KALRN: variants seen among roughly 807,000 people sequenced by gnomAD.
KALRN encodes kalirin.
Under a neutral mutation model 353.7 loss-of-function variants are expected in KALRN, and 70 were observed. The observed-to-expected ratio is 0.20, with a 90% CI of 0.16 to 0.24. KALRN has a LOEUF of 0.24. KALRN is among the 10% of genes least tolerant of loss of function. The pLI is 1.00. For synonymous variants in KALRN, 1,391 were observed against 1,434.8 expected, an observed-to-expected ratio of 0.97 and a Z score of 0.69; for missense variants, 2,791 against 3,756.7, an observed-to-expected ratio of 0.74 and a Z score of 6.72.
At chr3:124,446,707 G>A in intron 20 of KALRN, 56 bp from the exon 21 acceptor site, 2 of 1,609,446 alleles carry the variant, frequency 1.2e-6, no homozygotes, top group Middle Eastern at 3.3e-4. Flanking sequence ...AGTATGGCAT[G>A]TTTTCCTACT....
intron 34 of KALRN, among the ~76,000 whole-genome samples, chr3:124,587,680 C>T (rs1354842651): frequency 1.4e-5 from 2 of 142,914 alleles, no homozygotes; most frequent in Non-Finnish European, 3.1e-5. Flanking sequence ...GTATTTTTCC[C>T]TCCACCCCCA....
intron 5 of KALRN, among the ~76,000 whole-genome samples, chr3:124,279,276 T>C (rs1033605618): frequency 6.6e-6 from 1 of 152,232 alleles, no homozygotes; most frequent in Admixed American, 6.5e-5. Context: ...CTGTAAAATA[T>C]AGATTTTAAT....
intron 1 of KALRN, among the ~76,000 whole-genome samples, chr3:124,104,681 A>G (rs115402561): frequency 1.3e-3 from 194 of 152,304 alleles, no homozygotes; most frequent in African/African-American, 4.6e-3. Context: ...CATATGGTTT[A>G]AGGAGAGACT....
chr3:124,341,891 AG>A (rs1175307433), intron 9 of KALRN, among the ~76,000 whole-genome samples: 1 of 152,158 alleles, frequency 6.6e-6, no homozygotes, highest in Non-Finnish European at 1.5e-5. Context: ...GATAAGTAGG[AG>A]GTAGCCTGGA....
intron 8 of KALRN, among the ~76,000 whole-genome samples, chr3:124,333,946 G>A (rs1355489880): frequency 6.6e-6 from 1 of 152,216 alleles, no homozygotes; most frequent in Admixed American, 6.5e-5. Context: ...GCCAGGCACT[G>A]TTTTGGGCAT....
chr3:124,612,505 TTTTGTA>T (rs1443970475), intron 34 of KALRN, among the ~76,000 whole-genome samples: 1 of 150,538 alleles, frequency 6.6e-6, no homozygotes, highest in Non-Finnish European at 1.5e-5. Context: ...GCCCAGCAAT[TTTTGTA>T]TTTTTAATAG....
At chr3:124,035,894 T>G (rs1206146992) in intron 1 of KALRN, among the ~76,000 whole-genome samples, 1 of 152,162 alleles carries the variant, frequency 6.6e-6, no homozygotes, top group East Asian at 1.9e-4. Context: ...CATTGGTGCA[T>G]GAGGCTGGAA....
At chr3:124,425,632 A>G (rs1037638857) in intron 15 of KALRN, among the ~76,000 whole-genome samples, 10 of 152,220 alleles carry the variant, frequency 6.6e-5, no homozygotes, top group African/African-American at 2.4e-4. Context: ...ACATAACGGG[A>G]AAATCATTCC....
At chr3:124,222,597 T>G (rs992877046) in intron 1 of KALRN, among the ~76,000 whole-genome samples, 10 of 152,132 alleles carry the variant, frequency 6.6e-5, no homozygotes, top group African/African-American at 2.4e-4. Context: ...CTGGGTTTTT[T>G]TGTGTGTGTG....
At chr3:124,268,643 A>G (rs2148920800) in intron 4 of KALRN, 100 bp from the exon 5 acceptor site, 2 of 1,269,626 alleles carry the variant, frequency 1.6e-6, no homozygotes, top group Non-Finnish European at 2.2e-6. Context: ...GGCTGTGGTC[A>G]TTATTATGTG....
intron 23 of KALRN, among the ~76,000 whole-genome samples, chr3:124,458,774 A>T (rs1438881307): frequency 6.6e-6 from 1 of 152,152 alleles, no homozygotes; most frequent in Non-Finnish European, 1.5e-5. Flanking sequence ...GCTAAAAAAA[A>T]AATACAAAAC....
Position 124,699,970 on chromosome 3 carries a change from A to G in KALRN, c.7933A>G (p.Ser2645Gly). Residue 2645 changes from serine (S) to glycine (G), a missense_variant, in exon 56 of 60, where the codon AGT (serine) becomes GGT (glycine). Transcript: ENST00000682506. Reference protein sequence around the residue: ...GCPYQFRVSASNPWGISLPSE... With the variant: ...GCPYQFRVSAGNPWGISLPSE... ...TCCTTATCAGTTCAGAGTCAGTGCCAGTAACCCCTGGGGAATCAGCCTTCC... is the reference window on the plus strand; with the variant it reads ...TCCTTATCAGTTCAGAGTCAGTGCCGGTAACCCCTGGGGAATCAGCCTTCC... The G allele has an allele frequency of 6.2e-7, 1 of 1,614,176 alleles. No individual in the cohort carries two copies. The highest frequency in any genetic ancestry group is 8.5e-7 in the Non-Finnish European group (1 of 1,180,028).
intron 16 of KALRN, among the ~76,000 whole-genome samples, chr3:124,432,465 G>T (rs2093317174): frequency 6.6e-6 from 1 of 152,268 alleles, no homozygotes; most frequent in Non-Finnish European, 1.5e-5. Flanking sequence ...ACAGTCATAA[G>T]CAGCAACGAA....
chr3:124,642,806 G>GTTTTTTTTTT (rs71145471), intron 37 of KALRN, among the ~76,000 whole-genome samples: 3 of 96,840 alleles, frequency 3.1e-5, no homozygotes, highest in East Asian at 4.7e-4. Flanking sequence ...CCCAAGCCTC[G>GTTTTTTTTTT]TTTTTTTTTT....
At position 124,632,466 on chromosome 3, in the gene KALRN, C is replaced by T. The variant is rs757521379; in HGVS notation, c.5229C>T (p.Ser1743=). The part of the protein sequence containing the change: ...SSSENGGKSE[S]VANLQAQPSL... ...GCGAGAATGGAGGCAAGTCCGAGTC[C>T]GTGGCCAACCTGCAGGCCCAGCCCT... The change falls in exon 35 of 60, where the codon TCC becomes TCT. Residue 1743 remains serine, a synonymous_variant. Transcript: ENST00000682506. The T allele has an allele frequency of 2.7e-5, 43 of 1,613,876 alleles. No homozygotes were observed. Among genetic ancestry groups the T allele is most frequent in the Middle Eastern group, 3.3e-4 (2 of 6,082 alleles).
At chr3:124,221,954 C>T (rs57333673) in intron 1 of KALRN, among the ~76,000 whole-genome samples, 5 of 152,096 alleles carry the variant, frequency 3.3e-5, no homozygotes, top group African/African-American at 7.2e-5. Context: ...CCCAGGTGGG[C>T]GCACCCCTCC....
At chr3:124,714,082 A>T (rs1392065687) in intron 58 of KALRN, among the ~76,000 whole-genome samples, 1 of 152,084 alleles carries the variant, frequency 6.6e-6, no homozygotes, top group African/African-American at 2.4e-5. Flanking sequence ...GGAAAAAAAA[A>T]AAAACAGAGG....
chr3:124,560,486 G>A (rs544978195), intron 33 of KALRN, among the ~76,000 whole-genome samples: 2 of 152,304 alleles, frequency 1.3e-5, no homozygotes, highest in Non-Finnish European at 2.9e-5. Flanking sequence ...AACAGCAATA[G>A]AGAAAAACAT....
At chr3:124,242,348 A>G (rs1023881257) in intron 3 of KALRN, among the ~76,000 whole-genome samples, 1 of 152,224 alleles carries the variant, frequency 6.6e-6, no homozygotes, top group Non-Finnish European at 1.5e-5. Flanking sequence ...ACATATCAGG[A>G]AACTGAGACG....
Sources: gnomAD v4.1 joint callset for allele counts (sites outside exome capture counted in the v4.1 genomes callset) on GRCh38, gnomAD v4.1.1 for gene constraint, MANE v1.5 for transcripts, NCBI Gene and HGNC (gene_info 2026-07-23, HGNC 2026-07-21) for gene names.